Variants in CTNNA3 observed in about 807,000 individuals in gnomAD.
CTNNA3 encodes the protein catenin alpha-3.
A neutral mutation model predicts 95.7 loss-of-function variants in CTNNA3; 76 were observed. That is an observed-to-expected ratio of 0.79 (90% confidence interval 0.66 to 0.96). CTNNA3 has a LOEUF of 0.96. Among genes scored for constraint, CTNNA3 ranks in the 40% least tolerant of loss-of-function variants. The probability of loss-of-function intolerance (pLI) is 0.00; values close to 1 mark genes in which losing one functional copy is unlikely to be tolerated. For missense variants in CTNNA3, 1,191 were observed against 1,089.8 expected, an observed-to-expected ratio of 1.09 and a Z score of -1.31; for synonymous variants, 431 against 374.4, an observed-to-expected ratio of 1.15 and a Z score of -1.74.
chr10:66,125,352 T>A (rs1181234196), intron 13 of CTNNA3, among the ~76,000 whole-genome samples: 1 of 152,146 alleles, frequency 6.6e-6, no homozygotes, highest in Non-Finnish European at 1.5e-5. Flanking sequence ...TTGAGAATAC[T>A]GTATTGAAAG....
chr10:66,260,865 G>C (rs1422004431), intron 13 of CTNNA3, among the ~76,000 whole-genome samples: 1 of 152,004 alleles, frequency 6.6e-6, no homozygotes, highest in East Asian at 1.9e-4. Context: ...ATCTGACATA[G>C]AGATCATTTC....
intron 5 of CTNNA3, among the ~76,000 whole-genome samples, chr10:67,515,674 T>C (rs528398404): frequency 3.6e-4 from 55 of 152,326 alleles, no homozygotes; most frequent in African/African-American, 1.3e-3. Flanking sequence ...AATATTTTAG[T>C]ATAGCAGTCC....
chr10:67,205,350 T>A (rs1400536732), intron 6 of CTNNA3, among the ~76,000 whole-genome samples: 2 of 152,204 alleles, frequency 1.3e-5, no homozygotes, highest in Non-Finnish European at 2.9e-5. Flanking sequence ...AATGGTGTGT[T>A]CCTGTATGAA....
chr10:65,927,300 G>A (rs1202623965), intron 17 of CTNNA3, among the ~76,000 whole-genome samples: 1 of 152,096 alleles, frequency 6.6e-6, no homozygotes, highest in East Asian at 1.9e-4. Context: ...AGCTCTGAAT[G>A]ATTTAAAACA....
At chr10:67,623,458 G>C (rs1004605458) in intron 2 of CTNNA3, among the ~76,000 whole-genome samples, 1 of 152,140 alleles carries the variant, frequency 6.6e-6, no homozygotes, top group African/African-American at 2.4e-5. Context: ...ATTTTGACGA[G>C]AGTGGGGTGT....
chr10:67,170,211 G>C (rs1861956124), intron 7 of CTNNA3, among the ~76,000 whole-genome samples: 1 of 152,170 alleles, frequency 6.6e-6, no homozygotes, highest in Non-Finnish European at 1.5e-5. Flanking sequence ...AAGCAGTATG[G>C]TAATTCCTCA....
At chr10:67,437,411 TCAC>T (rs1184051537) in intron 5 of CTNNA3, among the ~76,000 whole-genome samples, 1 of 152,002 alleles carries the variant, frequency 6.6e-6, no homozygotes, top group Non-Finnish European at 1.5e-5. Context: ...ATCTCACAAA[TCAC>T]CACTAAAGAA....
At chr10:67,300,054 T>C (rs886797571) in intron 5 of CTNNA3, among the ~76,000 whole-genome samples, 1 of 152,132 alleles carries the variant, frequency 6.6e-6, no homozygotes, top group African/African-American at 2.4e-5. Flanking sequence ...TTGTTAGAAA[T>C]AAAAATTTTT....
At chr10:67,266,986 T>C (rs138417966) in intron 5 of CTNNA3, among the ~76,000 whole-genome samples, 2 of 152,338 alleles carry the variant, frequency 1.3e-5, no homozygotes, top group East Asian at 3.9e-4. Context: ...ATTAAACTTT[T>C]GTTGTTGAAA....
intron 5 of CTNNA3, among the ~76,000 whole-genome samples, chr10:67,308,496 T>G (rs1840652111): frequency 6.6e-6 from 1 of 152,216 alleles, no homozygotes. Flanking sequence ...GTGAGTCCAT[T>G]AAATCTCTCT....
At chr10:66,540,869 C>A (rs756150281) in intron 10 of CTNNA3, among the ~76,000 whole-genome samples, 1 of 151,976 alleles carries the variant, frequency 6.6e-6, no homozygotes, top group Non-Finnish European at 1.5e-5. Flanking sequence ...GATGTTATTC[C>A]CTCTCAGGCT....
intron 15 of CTNNA3, among the ~76,000 whole-genome samples, chr10:65,989,494 G>A (rs1254266979): frequency 6.6e-6 from 1 of 152,028 alleles, no homozygotes; most frequent in Admixed American, 6.6e-5. Context: ...GATATTATAT[G>A]TATCTAACGA....
chr10:67,685,755 CT>C (rs1030269336), intron 1 of CTNNA3, among the ~76,000 whole-genome samples: 29 of 151,176 alleles, frequency 1.9e-4, no homozygotes, highest in African/African-American at 5.5e-4. Context: ...TTTACTACTT[CT>C]ATCTCTCTCT....
chr10:67,631,749 TA>T (rs1839149996), intron 2 of CTNNA3, among the ~76,000 whole-genome samples: 1 of 151,972 alleles, frequency 6.6e-6, no homozygotes, highest in African/African-American at 2.4e-5. Flanking sequence ...GATGAATGAA[TA>T]AAGAAAATGT....
At chr10:66,303,596 A>C (rs1445119553) in intron 12 of CTNNA3, among the ~76,000 whole-genome samples, 1 of 152,144 alleles carries the variant, frequency 6.6e-6, no homozygotes, top group Admixed American at 6.6e-5. Context: ...TCAATATACA[A>C]AAAAATACAA....
chr10:67,238,422 T>A (rs1210674866), intron 5 of CTNNA3, among the ~76,000 whole-genome samples: 1 of 151,334 alleles, frequency 6.6e-6, no homozygotes, highest in Non-Finnish European at 1.5e-5. Context: ...GCAAGAAGGG[T>A]ATCAGCAAAT....
At chr10:67,246,908 C>G (rs1865929106) in intron 5 of CTNNA3, among the ~76,000 whole-genome samples, 2 of 152,150 alleles carry the variant, frequency 1.3e-5, no homozygotes, top group African/African-American at 2.4e-5. Context: ...TCAAGGTTCT[C>G]TAGCTTTTGC....
intron 7 of CTNNA3, among the ~76,000 whole-genome samples, chr10:67,035,121 T>C (rs755505822): frequency 2.0e-5 from 3 of 152,200 alleles, no homozygotes; most frequent in Non-Finnish European, 2.9e-5. Flanking sequence ...TCTGTGCATA[T>C]TACCTCTGCT....
chr10:67,622,470 G>C (rs760243766), intron 2 of CTNNA3, among the ~76,000 whole-genome samples: 2 of 152,206 alleles, frequency 1.3e-5, no homozygotes, highest in African/African-American at 4.8e-5. Context: ...CAACATTAAA[G>C]TGAAGAAAAT....
Sources: allele counts gnomAD v4.1 joint callset (sites outside exome capture counted in the v4.1 genomes callset), GRCh38; gene constraint gnomAD v4.1.1; transcripts MANE v1.5; gene names NCBI Gene and HGNC (gene_info 2026-07-23, HGNC 2026-07-21).